NRG1: variants seen among roughly 807,000 people sequenced by gnomAD.
NRG1 encodes the protein pro-neuregulin-1, membrane-bound isoform.
NRG1 carries 18 observed loss-of-function variants against 63.8 expected under a neutral mutation model. The observed-to-expected ratio is 0.28, with a 90% CI of 0.19 to 0.42. The LOEUF is 0.42. Ranked by LOEUF, NRG1 falls within the 10% of genes least tolerant of loss-of-function variation. The probability of loss-of-function intolerance (pLI) is 1.00; values close to 1 mark genes in which losing one functional copy is unlikely to be tolerated. For synonymous variants in NRG1, 302 were observed against 301.3 expected, an observed-to-expected ratio of 1.00 and a Z score of -0.02; for missense variants, 762 against 814.7, an observed-to-expected ratio of 0.94 and a Z score of 0.79.
At chr8:32,209,578 A>C (rs1844445379) in intron 1 of NRG1, among the ~76,000 whole-genome samples, 1 of 152,240 alleles carries the variant, frequency 6.6e-6, no homozygotes. Context: ...GGGTTTCGCC[A>C]AAAGATTATT....
intron 2 of NRG1, among the ~76,000 whole-genome samples, chr8:32,603,198 G>A (rs886435811): frequency 1.2e-4 from 19 of 152,046 alleles, no homozygotes; most frequent in African/African-American, 4.3e-4. Context: ...ACTTTGTTCC[G>A]TGGACCATTA....
chr8:32,389,312 A>T (rs936366805), intron 1 of NRG1, among the ~76,000 whole-genome samples: 2 of 152,226 alleles, frequency 1.3e-5, no homozygotes, highest in Non-Finnish European at 2.9e-5. Context: ...GAGATGAGAG[A>T]TTTTTGCTAT....
At chr8:32,411,449 C>A (rs749612718) in intron 1 of NRG1, among the ~76,000 whole-genome samples, 3 of 152,172 alleles carry the variant, frequency 2.0e-5, no homozygotes, top group Non-Finnish European at 4.4e-5. Flanking sequence ...GTTTCCTCTG[C>A]ATAATTTAGA....
At chr8:31,861,726 T>G (rs1276778622) in intron 1 of NRG1, among the ~76,000 whole-genome samples, 1 of 152,166 alleles carries the variant, frequency 6.6e-6, no homozygotes, top group East Asian at 1.9e-4. Context: ...TTCCCCTTGA[T>G]AGGCAAAGGC....
At chr8:32,277,842 A>T (rs1852271979) in intron 1 of NRG1, among the ~76,000 whole-genome samples, 1 of 152,138 alleles carries the variant, frequency 6.6e-6, no homozygotes, top group Non-Finnish European at 1.5e-5. Flanking sequence ...TCTGGTGACC[A>T]CAAGGCCTTC....
intron 1 of NRG1, among the ~76,000 whole-genome samples, chr8:31,950,947 G>T (rs1352429962): frequency 6.6e-6 from 1 of 152,166 alleles, no homozygotes; most frequent in Non-Finnish European, 1.5e-5. Flanking sequence ...GACTTGTATT[G>T]AAACTGCCTC....
intron 1 of NRG1, among the ~76,000 whole-genome samples, chr8:31,750,939 T>G (rs1400866633): frequency 1.3e-5 from 2 of 152,002 alleles, no homozygotes; most frequent in Non-Finnish European, 2.9e-5. Flanking sequence ...AATTTGTGTA[T>G]TCTAATAAAA....
At chr8:32,632,535 G>T (rs2129544364) in intron 5 of NRG1, among the ~76,000 whole-genome samples, 1 of 111,308 alleles carries the variant, frequency 9.0e-6, no homozygotes, top group African/African-American at 3.8e-5. Context: ...GGCAACAAGA[G>T]CAAAACTCCA....
At chr8:32,397,337 C>T (rs777954097) in intron 1 of NRG1, among the ~76,000 whole-genome samples, 3 of 152,090 alleles carry the variant, frequency 2.0e-5, no homozygotes, top group Non-Finnish European at 4.4e-5. Flanking sequence ...ATAATAAAAT[C>T]TATTTCATGA....
intron 1 of NRG1, among the ~76,000 whole-genome samples, chr8:31,892,930 A>G (rs953534782): frequency 6.6e-6 from 1 of 152,004 alleles, no homozygotes; most frequent in Non-Finnish European, 1.5e-5. Context: ...AATGTATAAA[A>G]CAGCTAATTT....
chr8:32,247,684 A>G (rs1370486467), intron 1 of NRG1, among the ~76,000 whole-genome samples: 1 of 152,106 alleles, frequency 6.6e-6, no homozygotes, highest in African/African-American at 2.4e-5. Context: ...GACAGCAAAA[A>G]GAGTGAAAAA....
intron 1 of NRG1, among the ~76,000 whole-genome samples, chr8:32,499,770 A>T (rs372371993): frequency 5.3e-5 from 8 of 152,260 alleles, no homozygotes; most frequent in African/African-American, 1.9e-4. Context: ...CATTTCCCGG[A>T]GTTTGAAGGA....
intron 6 of NRG1, among the ~76,000 whole-genome samples, chr8:32,739,128 G>A (rs563128188): frequency 2.0e-4 from 31 of 152,206 alleles, no homozygotes; most frequent in African/African-American, 7.2e-4. Flanking sequence ...ATGAGACCCC[G>A]TAAAGCAAAA....
At chr8:31,826,503 C>G (rs961850833) in intron 1 of NRG1, among the ~76,000 whole-genome samples, 1 of 152,194 alleles carries the variant, frequency 6.6e-6, no homozygotes, top group African/African-American at 2.4e-5. Context: ...AATTGTGAGG[C>G]CTCCCCAGCC....
rs1317192100 is a variant in NRG1 at position 31,804,392 on chromosome 8, G to GAATGGATAGGA, written c.37+164972_37+164982dup. Among the ~76,000 whole-genome samples, 29 of 152,166 alleles carry GAATGGATAGGA rather than the reference G, an allele frequency of 1.9e-4. 1 individual carries two copies. The highest frequency in any genetic ancestry group is 7.9e-4 in the Admixed American group (12 of 15,278). ...TCTCAGTCATGCTGGTTGATACCCC[G>GAATGGATAGGA]AATGGATAGGAAATGGATAGGCATT... On this transcript the variant is annotated intron_variant, in intron 1 of 10. Coordinates refer to the NRG1 transcript ENST00000519301.
chr8:31,682,752 A>G (rs1192900701), intron 1 of NRG1, among the ~76,000 whole-genome samples: 5 of 152,202 alleles, frequency 3.3e-5, no homozygotes, highest in Non-Finnish European at 5.9e-5. Flanking sequence ...CACAAACGTT[A>G]TATGGAATAA....
At chr8:32,547,355 C>T (rs1266850599), upstream of NRG1, among the ~76,000 whole-genome samples, 1 of 152,104 alleles carries the variant, frequency 6.6e-6, no homozygotes, top group East Asian at 1.9e-4. Context: ...TTAAGGATCT[C>T]CAGTTCTGTG....
intron 1 of NRG1, chr8:32,061,759 G>A (rs1823911633): frequency 6.6e-6 from 1 of 152,006 alleles, no homozygotes; most frequent in Non-Finnish European, 1.5e-5. Flanking sequence ...GGCATAGTAG[G>A]AAGCTGTTGG....
chr8:32,738,450 G>A (rs201481256), intron 6 of NRG1, among the ~76,000 whole-genome samples: 1 of 146,022 alleles, frequency 6.8e-6, no homozygotes, highest in Non-Finnish European at 1.5e-5. Context: ...ACACACATAT[G>A]TATATATATT....
Sources: allele counts gnomAD v4.1 joint callset (sites outside exome capture counted in the v4.1 genomes callset), GRCh38; gene constraint gnomAD v4.1.1; transcripts MANE v1.5; gene names NCBI Gene and HGNC (gene_info 2026-07-23, HGNC 2026-07-21).